DRP2: variants seen among roughly 807,000 people sequenced by gnomAD.
DRP2 encodes dystrophin related protein 2.
DRP2 carries 29 observed loss-of-function variants against 78.2 expected under a neutral mutation model. The observed-to-expected ratio is 0.37, with a 90% CI of 0.28 to 0.51. The LOEUF is 0.51. DRP2 is among the 20% of genes least tolerant of loss of function. The pLI is 0.94. For missense variants in DRP2, 686 were observed against 770.6 expected, an observed-to-expected ratio of 0.89 and a Z score of 1.30; for synonymous variants, 290 against 281.9, an observed-to-expected ratio of 1.03 and a Z score of -0.29.
chrX:101,249,105 C>T (rs1294428773), intron 14 of DRP2, among the ~76,000 whole-genome samples: 1 of 112,109 alleles, frequency 8.9e-6, no homozygotes, highest in African/African-American at 3.2e-5. Context: ...ATCTTGTGTT[C>T]AGCATTTTGA....
At chrX:101,255,978 C>A (rs956246059) in intron 20 of DRP2, 140 bp from the exon 21 acceptor site, 26 of 760,656 alleles carry the variant, frequency 3.4e-5, no homozygotes, top group South Asian at 5.4e-5. Flanking sequence ...CCTCTCAAGC[C>A]TCAGTATATG....
At chrX:101,231,844 C>T in intron 3 of DRP2, 80 bp downstream of exon 3, 2 of 891,234 alleles carry the variant, frequency 2.2e-6, no homozygotes, top group Non-Finnish European at 1.6e-6. Flanking sequence ...CCCACGCTTC[C>T]TAAGGCTCAG....
Position 101,242,956 on chromosome X carries a change from G to A in DRP2, c.1028G>A (p.Gly343Glu). Residue 343 changes from glycine (G) to glutamate (E), a missense_variant, in exon 9 of 24, where the codon GGG becomes GAG. Physicochemically the swap from Gly to Glu is moderately conservative, Grantham distance 98. Coordinates refer to ENST00000395209, the MANE Select transcript of DRP2 (RefSeq NM_001939.3). Reference sequence around the variant, plus strand: ...CTCCAGGATGCCCACCGGGACTTTGGGCCTGGGTCACAGCACTTTCTCTCC... The same window carrying A: ...CTCCAGGATGCCCACCGGGACTTTGAGCCTGGGTCACAGCACTTTCTCTCC... The part of the protein sequence containing the change: ...KQLQDAHRDF[G>E]PGSQHFLSSS... 1 of 1,210,936 alleles carries A rather than the reference G, an allele frequency of 8.3e-7. No homozygotes were observed.
chrX:101,239,203 A>G (rs893745460), intron 6 of DRP2, 102 bp downstream of exon 6: 485 of 1,016,434 alleles, frequency 4.8e-4, no homozygotes, highest in Admixed American at 1.2e-3. Context: ...CTTACCTGTT[A>G]TCTAGGAGGA....
In DRP2 at chrX:101,245,028, G is replaced by A; in HGVS notation, c.1066G>A (p.Val356Ile). 8.3e-7 allele frequency: 1 copy of A among 1,209,616 alleles called. No homozygotes were observed. The highest frequency in any genetic ancestry group is 1.1e-6 in the Non-Finnish European group (1 of 894,435). The change falls in exon 10 of 24, where the codon GTT (valine) becomes ATT (isoleucine). Residue 356 changes from valine (V) to isoleucine (I), a missense_variant. Around this residue, in one of 2 missense-constraint regions of DRP2, gnomAD observed 423 missense variants for 531.5 expected, o/e 0.80. Coordinates refer to ENST00000395209, the MANE Select transcript of DRP2 (RefSeq NM_001939.3). Reference sequence around the variant, plus strand: ...TTCTCCTTTACCAGCCTCTGTCCAGGTTCCCTGGGAAAGAGCAATTTCACC... The same window carrying A: ...TTCTCCTTTACCAGCCTCTGTCCAGATTCCCTGGGAAAGAGCAATTTCACC... ...SQHFLSSSVQ[V>I]PWERAISPNK...
At chrX:101,247,968 C>A in intron 12 of DRP2, 121 bp from the exon 13 acceptor site, 1 of 616,772 alleles carries the variant, frequency 1.6e-6, no homozygotes, top group Non-Finnish European at 2.6e-6. Flanking sequence ...ATCATATTTG[C>A]AAATGGTTGA....
At position 101,248,222 on chromosome X, in the gene DRP2, A is replaced by G. The variant is rs746533745; in HGVS notation, c.1386A>G (p.Arg462=). 1 of 1,211,799 alleles carries G rather than the reference A, an allele frequency of 8.3e-7. No individual in the cohort carries two copies. Among genetic ancestry groups the G allele is most frequent in the South Asian group, 1.8e-5 (1 of 56,984 alleles). ...TALYERLEEE[R]GILVNVPLCV... ...TATATGAACGTTTGGAGGAGGAAAG[A>G]GGCATCCTGGTCAACGTGCCACTCT... Residue 462 remains arginine (R), a synonymous_variant, in exon 13 of 24, where the codon AGA becomes AGG. Coordinates refer to ENST00000395209, the MANE Select transcript of DRP2 (RefSeq NM_001939.3).
At chrX:101,238,167 G>T (rs1922579481) in intron 5 of DRP2, among the ~76,000 whole-genome samples, 1 of 111,681 alleles carries the variant, frequency 9.0e-6, no homozygotes, top group East Asian at 2.8e-4. Flanking sequence ...GTTAACAATG[G>T]TTAACTCTAG....
Position 101,263,404 on chromosome X carries a change from A to T in DRP2, c.*2783A>T, listed in dbSNP as rs183735681. The T allele has an allele frequency of 5.3e-5, 6 of 112,575 alleles. No homozygotes were observed. The highest frequency in any genetic ancestry group is 1.9e-4 in the African/African-American group (6 of 31,007). The allele number at this position is 112,575 out of a possible 1,213,427, so 9.3% of individuals were successfully genotyped here. The stretch of plus-strand genomic sequence containing the variant: ...AAGAAAACCTTCTGACTGTGGGATT[A>T]GCATCAATGATAAGGAATGTGAGCA... On this transcript the variant is annotated 3_prime_UTR_variant, in exon 24 of 24. Coordinates refer to ENST00000395209, the MANE Select transcript of DRP2 (RefSeq NM_001939.3).
At chrX:101,222,987 C>T (rs1332743487) in intron 1 of DRP2, among the ~76,000 whole-genome samples, 4 of 112,073 alleles carry the variant, frequency 3.6e-5, no homozygotes, top group African/African-American at 6.5e-5. Flanking sequence ...GTGTATCATA[C>T]GTATTCTTCT....
At chrX:101,237,405 C>T (rs762341144) in intron 4 of DRP2, among the ~76,000 whole-genome samples, 1 of 112,008 alleles carries the variant, frequency 8.9e-6, no homozygotes, top group Admixed American at 9.4e-5. Flanking sequence ...GTTCTACCTA[C>T]TGGTTTTAGT....
intron 12 of DRP2, 139 bp from the exon 13 acceptor site, chrX:101,247,950 A>G: frequency 1.9e-6 from 1 of 536,981 alleles, no homozygotes. Flanking sequence ...AGTAAAGGAC[A>G]AGCTTGTATC....
In DRP2 at chrX:101,235,966, A is replaced by T. The variant is rs1922488041; in HGVS notation, c.224A>T (p.Glu75Val). ...TCTGTTGGTGCCTCTGGACCCCTGG[A>T]ACCACCAGCCATGAATCTGTGTTGG... ...NGSVGASGPL[E>V]PPAMNLCWNE... Residue 75 changes from glutamate to valine, a missense_variant, in exon 4 of 24, where the codon GAA becomes GTA. Glu to Val is a moderately radical substitution (Grantham distance 121). This residue lies in a region of DRP2 where 263 missense variants were observed against 239.1 expected (regional missense o/e 1.10). Coordinates refer to ENST00000395209, the MANE Select transcript of DRP2 (RefSeq NM_001939.3). 1.7e-6 allele frequency: 2 copies of T among 1,212,012 alleles called. No homozygotes were observed. Among genetic ancestry groups the T allele is most frequent in the Non-Finnish European group, 1.1e-6 (1 of 895,502 alleles).
chrX:101,240,016 C>T (rs1213856797), intron 6 of DRP2, among the ~76,000 whole-genome samples: 1 of 111,625 alleles, frequency 9.0e-6, no homozygotes, highest in Non-Finnish European at 1.9e-5. Context: ...GCATTCCAGC[C>T]TGGGCAACAG....
chrX:101,244,355 G>A (rs1922850372), intron 9 of DRP2, among the ~76,000 whole-genome samples: 1 of 112,044 alleles, frequency 8.9e-6, no homozygotes, highest in Admixed American at 9.5e-5. Flanking sequence ...CATAGTAGGA[G>A]CTCAGTAAAT....
chrX:101,232,546 C>T (rs779362664), intron 3 of DRP2, among the ~76,000 whole-genome samples: 15 of 110,961 alleles, frequency 1.4e-4, no homozygotes, highest in African/African-American at 4.6e-4. Flanking sequence ...GCCGAATATA[C>T]AGGAAGGAGG....
At chrX:101,250,855 C>A in intron 15 of DRP2, 62 bp from the exon 16 acceptor site, 1 of 1,172,497 alleles carries the variant, frequency 8.5e-7, no homozygotes, top group Non-Finnish European at 1.1e-6. Context: ...CTGAGGGCTG[C>A]CATTCTAGGG....
At chrX:101,247,980 C>T (rs56032553) in intron 12 of DRP2, 109 bp from the exon 13 acceptor site, 6 of 677,447 alleles carry the variant, frequency 8.9e-6, no homozygotes, top group South Asian at 2.5e-5. Context: ...AATGGTTGAT[C>T]TGGAGATTGA....
chrX:101,260,232 G>A (rs753825190), intron 23 of DRP2, 63 bp downstream of exon 23: 1 of 1,185,921 alleles, frequency 8.4e-7, no homozygotes, highest in African/African-American at 1.8e-5. Context: ...TCGATTTCCT[G>A]CCCAAGGCTT....
Sources: allele counts gnomAD v4.1 joint callset (sites outside exome capture counted in the v4.1 genomes callset), GRCh38; gene constraint gnomAD v4.1.1; regional missense constraint gnomAD v4.1.1; transcripts MANE v1.5; gene names NCBI Gene and HGNC (gene_info 2026-07-23, HGNC 2026-07-21).